PCDHGB1: variants seen among roughly 807,000 people sequenced by gnomAD.
PCDHGB1 encodes the protein protocadherin gamma subfamily B, 1.
PCDHGB1 carries 34 observed loss-of-function variants against 56.6 expected under a neutral mutation model. That is an observed-to-expected ratio of 0.60 (90% CI 0.46 to 0.80). The LOEUF is 0.80. PCDHGB1 is among the 30% of genes least tolerant of loss of function. PCDHGB1 has a pLI of 0.00. For missense variants in PCDHGB1, 1,278 were observed against 1,204.6 expected, an observed-to-expected ratio of 1.06 and a Z score of -0.90; for synonymous variants, 561 against 505.9, an observed-to-expected ratio of 1.11 and a Z score of -1.46.
intron 1 of PCDHGB1, among the ~76,000 whole-genome samples, chr5:141,464,901 G>A (rs1562002452): frequency 6.6e-6 from 1 of 151,916 alleles, no homozygotes; most frequent in Non-Finnish European, 1.5e-5. Context: ...ACCATGTCCA[G>A]CTAATTTTTT....
At chr5:141,417,875 G>C (rs2096176700) in intron 1 of PCDHGB1, 2 of 1,556,360 alleles carry the variant, frequency 1.3e-6, no homozygotes, top group Non-Finnish European at 1.7e-6. Context: ...AGGGAGCTGC[G>C]CGCAGAGGCG....
chr5:141,363,646 A>C (rs969938262), intron 1 of PCDHGB1, among the ~76,000 whole-genome samples: 2 of 152,252 alleles, frequency 1.3e-5, no homozygotes, highest in African/African-American at 4.8e-5. Flanking sequence ...CACAAGTAAC[A>C]AAGATCTTTA....
At chr5:141,463,741 C>T (rs1011021860) in intron 1 of PCDHGB1, among the ~76,000 whole-genome samples, 3 of 152,034 alleles carry the variant, frequency 2.0e-5, no homozygotes, top group Admixed American at 1.3e-4. Context: ...CCACCGCGCC[C>T]GGCCTGCTTC....
At chr5:141,382,164 T>A (rs938169976) in intron 1 of PCDHGB1, among the ~76,000 whole-genome samples, 5 of 152,100 alleles carry the variant, frequency 3.3e-5, no homozygotes, top group Non-Finnish European at 5.9e-5. Context: ...AATGAAGGTG[T>A]TAGACCGTCT....
rs758599120 is a variant in PCDHGB1 at position 141,414,165 on chromosome 5, A to G, written c.2409+61496A>G. On this transcript the variant is annotated intron_variant, in intron 1 of 3. Transcript: ENST00000523390. The stretch of plus-strand genomic sequence containing the variant: ...AAATACAAGCAGAAGATGGAGGAGC[A>G]TATCTTGCAACTGCAAAAGTGTTGA... 8 of 1,604,890 alleles carry G rather than the reference A, an allele frequency of 5.0e-6. No homozygotes were observed. The highest frequency in any genetic ancestry group is 2.2e-5 in the South Asian group (2 of 89,922).
intron 1 of PCDHGB1, among the ~76,000 whole-genome samples, chr5:141,435,833 A>G (rs1354866725): frequency 6.6e-6 from 1 of 152,112 alleles, no homozygotes; most frequent in Non-Finnish European, 1.5e-5. Flanking sequence ...TTTGCTGCCT[A>G]TCTACTTTGA....
chr5:141,415,095 C>G, intron 1 of PCDHGB1: 2 of 1,613,584 alleles, frequency 1.2e-6, no homozygotes, highest in Non-Finnish European at 1.7e-6. Context: ...TGGACAGAGA[C>G]GCGCTCAAGC....
In PCDHGB1 at chr5:141,432,293, G is replaced by C. The variant is rs765631138; in HGVS notation, c.2410-62514G>C. Reference sequence around the variant, plus strand: ...CTACGTGTCCATCAACTCCGACACTGGGGTACTGTATGCGCTGAGCTCCTT... The same window carrying C: ...CTACGTGTCCATCAACTCCGACACTCGGGTACTGTATGCGCTGAGCTCCTT... On this transcript the variant is annotated intron_variant, in intron 1 of 3. Coordinates refer to ENST00000523390, the MANE Select transcript of PCDHGB1 (RefSeq NM_018922.3). This position sits in a 1 kb window ranked among gnomAD's most constrained non-coding sequence, Gnocchi z 6.0. 6.2e-7 allele frequency: 1 copy of C among 1,614,254 alleles called. No individual in the cohort carries two copies.
chr5:141,374,243 C>A, intron 1 of PCDHGB1: 1 of 1,614,000 alleles, frequency 6.2e-7, no homozygotes, highest in Non-Finnish European at 8.5e-7. Flanking sequence ...GGATCTGGGA[C>A]TGGAGCCCCA....
chr5:141,419,571 G>C, intron 1 of PCDHGB1: 1 of 1,611,704 alleles, frequency 6.2e-7, no homozygotes. Context: ...GGTCCCGACG[G>C]CTCCGCGCTC....
intron 1 of PCDHGB1, among the ~76,000 whole-genome samples, chr5:141,472,792 C>A (rs2099297177): frequency 6.6e-6 from 1 of 151,698 alleles, no homozygotes; most frequent in African/African-American, 2.4e-5. Context: ...TCAAGATCAG[C>A]CTGACCAACA....
intron 1 of PCDHGB1, among the ~76,000 whole-genome samples, chr5:141,443,771 A>G (rs1031470429): frequency 9.2e-5 from 14 of 152,238 alleles, no homozygotes; most frequent in African/African-American, 3.1e-4. Context: ...ATACAATATT[A>G]CCAAAAAGAC....
intron 1 of PCDHGB1, chr5:141,394,192 A>G: frequency 1.9e-6 from 3 of 1,613,840 alleles, no homozygotes; most frequent in East Asian, 2.2e-5. Flanking sequence ...TACTCAGCGT[A>G]TATCCTAGAG....
intron 1 of PCDHGB1, chr5:141,370,497 T>C: frequency 1.2e-6 from 2 of 1,613,956 alleles, no homozygotes; most frequent in Non-Finnish European, 1.7e-6. Context: ...ACCGATCCGC[T>C]ACGCTATTCC....
chr5:141,397,353 AG>A (rs556761818), intron 1 of PCDHGB1, among the ~76,000 whole-genome samples: 31 of 152,340 alleles, frequency 2.0e-4, no homozygotes, highest in Non-Finnish European at 2.9e-4. Flanking sequence ...TAATATAGTC[AG>A]GAAGAGGAGA....
chr5:141,425,566 G>T (rs532293951), intron 1 of PCDHGB1, among the ~76,000 whole-genome samples: 1 of 152,348 alleles, frequency 6.6e-6, no homozygotes, highest in Admixed American at 6.5e-5. Context: ...TAAGTGATAA[G>T]AAGGGTTTGG....
chr5:141,394,361 G>T (rs2092984834), intron 1 of PCDHGB1: 2 of 1,614,190 alleles, frequency 1.2e-6, no homozygotes, highest in Non-Finnish European at 1.7e-6. Context: ...TCCTGTATGC[G>T]CTGCAATCTT....
chr5:141,420,993 C>T (rs956578377), intron 1 of PCDHGB1: 2 of 501,412 alleles, frequency 4.0e-6, no homozygotes, highest in Non-Finnish European at 7.0e-6. Context: ...GGCGCCGCTG[C>T]TCACCAATCA....
intron 1 of PCDHGB1, among the ~76,000 whole-genome samples, chr5:141,454,062 A>T (rs548960162): frequency 6.6e-6 from 1 of 152,380 alleles, no homozygotes; most frequent in East Asian, 1.9e-4. Context: ...CAAAGAAACA[A>T]AAGTGATAAT....
Sources: allele counts gnomAD v4.1 joint callset (sites outside exome capture counted in the v4.1 genomes callset), GRCh38; gene constraint gnomAD v4.1.1; non-coding constraint Gnocchi (gnomAD v3.1); transcripts MANE v1.5; gene names NCBI Gene and HGNC (gene_info 2026-07-23, HGNC 2026-07-21).